Variants in PRDM16 observed in about 807,000 individuals in gnomAD.
PRDM16 encodes the protein PR/SET domain 16, also known as histone-lysine N-methyltransferase PRDM16.
Under a neutral mutation model 110.6 loss-of-function variants are expected in PRDM16, and 23 were observed. That is an observed-to-expected ratio of 0.21 (90% CI 0.15 to 0.29). PRDM16 has a LOEUF of 0.29. PRDM16 is among the 10% of genes least tolerant of loss of function. PRDM16 has a pLI of 1.00. For missense variants in PRDM16, 1,615 were observed against 1,794.3 expected (o/e 0.90, Z 1.81); for synonymous variants, 799 against 781.8 (o/e 1.02, Z -0.37).
At chr1:3,406,602 C>T (rs1643566985) in intron 8 of PRDM16, among the ~76,000 whole-genome samples, 1 of 151,904 alleles carries the variant, frequency 6.6e-6, no homozygotes, top group African/African-American at 2.4e-5. Flanking sequence ...ATTAGCCAAC[C>T]ACGGTAGTGT....
rs867380272 is a variant in PRDM16 at position 3,181,036 on chromosome 1, T to C, written c.38-5089T>C. Among the ~76,000 whole-genome samples, 27 of 139,866 alleles carry C rather than the reference T, an allele frequency of 1.9e-4. 2 individuals are homozygous for C. The East Asian group carries it at 2.0e-3, about 10-fold the overall frequency. The allele number at this position is 139,866 out of a possible 152,430, so 91.8% of individuals were successfully genotyped here. On this transcript the variant is annotated intron_variant, in intron 1 of 16. Transcript: ENST00000270722. ...CTTACAAATGCGGTCTTACACGCGG[T>C]CTTACACACGCAGTCTTACACGCGG...
At chr1:3,421,775 A>G (rs992539790) in intron 12 of PRDM16, among the ~76,000 whole-genome samples, 6 of 152,250 alleles carry the variant, frequency 3.9e-5, no homozygotes, top group Admixed American at 2.0e-4. Flanking sequence ...TGCAAGAGCC[A>G]TTAGGTGGAC....
intron 1 of PRDM16, among the ~76,000 whole-genome samples, chr1:3,180,783 G>T (rs1644142214): frequency 7.3e-6 from 1 of 137,758 alleles, no homozygotes; most frequent in Non-Finnish European, 1.5e-5. Context: ...CCGCATAGAG[G>T]CTGGGGTCAG....
intron 3 of PRDM16, among the ~76,000 whole-genome samples, chr1:3,363,432 G>T (rs969096552): frequency 3.3e-5 from 5 of 152,282 alleles, no homozygotes; most frequent in Middle Eastern, 3.4e-3. Context: ...CTGGTCCCTG[G>T]ATGCTCGGGG....
chr1:3,386,142 T>TCGGGGTGCC (rs150469329), intron 4 of PRDM16, among the ~76,000 whole-genome samples: 44,495 of 151,312 alleles, frequency 0.29, 7,036 homozygotes, highest in East Asian at 0.6. Context: ...CGTGCGTTCC[T>TCGGGGTGCC]CGGGGTGCCC....
intron 3 of PRDM16, among the ~76,000 whole-genome samples, chr1:3,259,754 G>A (rs1046474396): frequency 6.6e-6 from 1 of 152,046 alleles, no homozygotes; most frequent in African/African-American, 2.4e-5. Context: ...CCAAGCAAGG[G>A]ACTTCTGCGT....
intron 1 of PRDM16, among the ~76,000 whole-genome samples, chr1:3,116,618 G>A (rs962167872): frequency 2.6e-5 from 4 of 152,138 alleles, no homozygotes; most frequent in Admixed American, 6.5e-5. Context: ...CCAGGGGACC[G>A]CAGCTCCGGC....
At chr1:3,426,477 CAT>C (rs1477969985) in intron 14 of PRDM16, among the ~76,000 whole-genome samples, 1 of 152,108 alleles carries the variant, frequency 6.6e-6, no homozygotes, top group Non-Finnish European at 1.5e-5. Context: ...TCACTGTTAA[CAT>C]ATGTGTGTGC....
chr1:3,433,841 G>C lies in PRDM16; in HGVS notation c.*30G>C. The C allele has an allele frequency of 1.2e-6, 2 of 1,608,738 alleles. No individual in the cohort carries two copies. The highest frequency in any genetic ancestry group is 1.7e-4 in the Middle Eastern group (1 of 6,056). On this transcript the variant is annotated 3_prime_UTR_variant, in exon 17 of 17. Transcript: ENST00000270722. ...CTGGGCAGCCGGGGGCCGGTGGCCAGAGCGAGGGCACCAGCCACGAAGGAC... is the reference window on the plus strand; with the variant it reads ...CTGGGCAGCCGGGGGCCGGTGGCCACAGCGAGGGCACCAGCCACGAAGGAC...
intron 3 of PRDM16, among the ~76,000 whole-genome samples, chr1:3,313,546 T>C (rs1641517198): frequency 6.6e-6 from 1 of 152,218 alleles, no homozygotes; most frequent in Non-Finnish European, 1.5e-5. Context: ...GAATGGAAAC[T>C]TGTATCCAAA....
intron 1 of PRDM16, among the ~76,000 whole-genome samples, chr1:3,086,432 C>A (rs1642153923): frequency 1.3e-5 from 2 of 152,200 alleles, no homozygotes; most frequent in African/African-American, 4.8e-5. Context: ...CCCACATGCC[C>A]ACCCTCAGAG....
At chr1:3,170,912 G>C (rs755526985) in intron 1 of PRDM16, among the ~76,000 whole-genome samples, 6 of 152,258 alleles carry the variant, frequency 3.9e-5, no homozygotes, top group Non-Finnish European at 8.8e-5. Context: ...CCGGGGAAAC[G>C]TGTGTTTCAG....
In PRDM16 at chr1:3,206,296, C is replaced by T. The variant is rs1434542534; in HGVS notation, c.387+19822C>T. On this transcript the variant is annotated intron_variant, in intron 2 of 16. Coordinates refer to ENST00000270722, the MANE Select transcript of PRDM16 (RefSeq NM_022114.4). This position sits in a 1 kb window ranked among gnomAD's most constrained non-coding sequence, Gnocchi z 4.9. ...TTTCCCAGAGAGACCACCAGTGGGC[C>T]TGGACCCACGCCCTTGGGGATGAGC... The T allele has an allele frequency of 1.3e-5, 2 of 152,292 alleles. No homozygotes were observed. Among genetic ancestry groups the T allele is most frequent in the African/African-American group, 4.8e-5 (2 of 41,464 alleles). 9.4% of individuals were successfully genotyped at this position (152,292 alleles called of 1,614,324 possible).
rs368391003 is a variant in PRDM16 at position 3,414,521 on chromosome 1, G to A, written c.2604-39G>A. The A allele has an allele frequency of 1.0e-4, 154 of 1,520,088 alleles. No individual in the cohort carries two copies. The African/African-American group carries it at 1.4e-3, about 14-fold the overall frequency. 94.2% of individuals were successfully genotyped at this position (1,520,088 alleles called of 1,614,324 possible). On this transcript the variant is annotated intron_variant, in intron 9 of 16. Coordinates refer to ENST00000270722, the MANE Select transcript of PRDM16 (RefSeq NM_022114.4). ...GAGCGGGTGGCTCGGCGGGGCGGGC[G>A]GCTCGGTGGGGTACGTAACCCTCTG...
rs375558149 is a variant in PRDM16, at chr1:3,201,922, G to A, written c.387+15448G>A. Among the ~76,000 whole-genome samples the A allele has an allele frequency of 1.5e-4, 23 of 152,278 alleles. No individual in the cohort carries two copies. Among genetic ancestry groups the A allele is most frequent in the African/African-American group, 4.1e-4 (17 of 41,574 alleles). On this transcript the variant is annotated intron_variant, in intron 2 of 16. Transcript: ENST00000270722. The surrounding 1 kb of genome is among the most constrained non-coding windows in gnomAD (Gnocchi z 4.1). ...GGAGGGACCTCCAAGTGGAGCCTTC[G>A]AGCAAGGGGTCCAGCTCCTGTAGGT...
chr1:3,400,130 G>C (rs1208853502), intron 5 of PRDM16, among the ~76,000 whole-genome samples: 1 of 152,228 alleles, frequency 6.6e-6, no homozygotes, highest in Non-Finnish European at 1.5e-5. Context: ...TGCCAGCCCT[G>C]CTTCCTCGGC....
At chr1:3,218,103 C>T (rs1639073524) in intron 2 of PRDM16, among the ~76,000 whole-genome samples, 1 of 152,226 alleles carries the variant, frequency 6.6e-6, no homozygotes, top group African/African-American at 2.4e-5. Flanking sequence ...ATTGTCGTGG[C>T]CAAGTGAAGA....
rs1036775255 is a variant in PRDM16 at position 3,272,588 on chromosome 1, C to T, written c.438+28451C>T. ...GACGTCCCGCCAGTGAGCCTGGGGA[C>T]ATTCATGCTCCACCCCAGCTCCCGT... On this transcript the variant is annotated intron_variant, in intron 3 of 16. Transcript: ENST00000270722. Among the ~76,000 whole-genome samples the T allele has an allele frequency of 1.3e-4, 20 of 152,354 alleles. 1 individual carries two copies. Among genetic ancestry groups the T allele is most frequent in the Non-Finnish European group, 1.5e-4 (10 of 68,026 alleles).
chr1:3,098,574 C>T (rs529816967), intron 1 of PRDM16, among the ~76,000 whole-genome samples: 7 of 152,178 alleles, frequency 4.6e-5, no homozygotes, highest in South Asian at 2.1e-4. Flanking sequence ...CCCTGGGCTT[C>T]GAGACCCCAG....
Sources: allele counts gnomAD v4.1 joint callset (sites outside exome capture counted in the v4.1 genomes callset), GRCh38; gene constraint gnomAD v4.1.1; non-coding constraint Gnocchi (gnomAD v3.1); transcripts MANE v1.5; gene names NCBI Gene and HGNC (gene_info 2026-07-23, HGNC 2026-07-21).